Variants in EPB41L3 observed in about 807,000 individuals in gnomAD.
EPB41L3 encodes erythrocyte membrane protein band 4.1 like 3.
A neutral mutation model predicts 127.1 loss-of-function variants in EPB41L3; 57 were observed. That is an observed-to-expected ratio of 0.45 (90% CI 0.36 to 0.56). The LOEUF (loss-of-function observed/expected upper bound fraction) is 0.56, where lower values mean the gene tolerates loss of function less well. Among genes scored for constraint, EPB41L3 ranks in the 20% least tolerant of loss-of-function variants. The probability of loss-of-function intolerance (pLI) is 0.00; values close to 1 mark genes in which losing one functional copy is unlikely to be tolerated. For synonymous variants in EPB41L3, 572 were observed against 549.5 expected (o/e 1.04, Z -0.57); for missense variants, 1,273 against 1,372.2 (o/e 0.93, Z 1.14).
intron 3 of EPB41L3, among the ~76,000 whole-genome samples, chr18:5,588,749 G>A (rs1210327990): frequency 6.6e-6 from 1 of 151,904 alleles, no homozygotes; most frequent in Non-Finnish European, 1.5e-5. Flanking sequence ...AGAACTAAAG[G>A]TTATCTCTCC....
chr18:5,422,280 C>T (rs1395688347), intron 11 of EPB41L3, among the ~76,000 whole-genome samples: 1 of 152,048 alleles, frequency 6.6e-6, no homozygotes, highest in Non-Finnish European at 1.5e-5. Context: ...TTGATTTCTT[C>T]TATAAACTGT....
intron 3 of EPB41L3, among the ~76,000 whole-genome samples, chr18:5,551,806 G>A (rs555932458): frequency 1.1e-4 from 16 of 152,070 alleles, no homozygotes; most frequent in East Asian, 3.8e-4. Context: ...TCTCTGTTTC[G>A]TGTACATTTG....
intron 3 of EPB41L3, among the ~76,000 whole-genome samples, chr18:5,566,164 G>A (rs886205671): frequency 6.6e-6 from 1 of 152,178 alleles, no homozygotes; most frequent in Non-Finnish European, 1.5e-5. Flanking sequence ...AGGAAAAGAG[G>A]AAGTCAAATT....
intron 3 of EPB41L3, among the ~76,000 whole-genome samples, chr18:5,605,876 T>C (rs2069645718): frequency 6.6e-6 from 1 of 152,072 alleles, no homozygotes; most frequent in African/African-American, 2.4e-5. Flanking sequence ...ATTGACTTCT[T>C]GTAGGAGCTG....
At chr18:5,617,956 G>C (rs1183125930) in intron 1 of EPB41L3, among the ~76,000 whole-genome samples, 1 of 152,106 alleles carries the variant, frequency 6.6e-6, no homozygotes, top group Non-Finnish European at 1.5e-5. Flanking sequence ...TCCATCTAGG[G>C]AGGTACCATT....
chr18:5,503,272 C>G (rs1337084890), intron 1 of EPB41L3, among the ~76,000 whole-genome samples: 1 of 152,092 alleles, frequency 6.6e-6, no homozygotes, highest in Non-Finnish European at 1.5e-5. Context: ...ATTCATCCTA[C>G]ATTAACGTAA....
At chr18:5,610,250 A>G (rs2094710673) in intron 3 of EPB41L3, 1 of 985,412 alleles carries the variant, frequency 1.0e-6, no homozygotes, top group Non-Finnish European at 1.2e-6. Context: ...AAAAAGAGAG[A>G]GAAAAAAATA....
rs1047724932 is a variant in EPB41L3 at position 5,437,584 on chromosome 18, A to C, written c.605+451T>G. Among the ~76,000 whole-genome samples, 8 of 152,346 alleles carry C rather than the reference A, an allele frequency of 5.3e-5. 1 individual carries two copies. Among genetic ancestry groups the C allele is most frequent in the Admixed American group, 4.6e-4 (7 of 15,304 alleles). ...TTAATATCTTCTTTCTAGAAAACAAATTAATCATTTTCCTTGTATATACAG... is the reference window on the plus strand; with the variant it reads ...TTAATATCTTCTTTCTAGAAAACAACTTAATCATTTTCCTTGTATATACAG... On this transcript the variant is annotated intron_variant, in intron 6 of 22. Transcript: ENST00000341928.
intron 1 of EPB41L3, among the ~76,000 whole-genome samples, chr18:5,626,061 G>A (rs2094920442): frequency 6.6e-6 from 1 of 151,570 alleles, no homozygotes; most frequent in African/African-American, 2.4e-5. Context: ...CTGTCTCGTC[G>A]CTGCTTTCAA....
At chr18:5,407,133 G>A (rs2075527659) in intron 15 of EPB41L3, 165 bp from the exon 16 acceptor site, 2 of 607,560 alleles carry the variant, frequency 3.3e-6, no homozygotes, top group Non-Finnish European at 2.8e-6. Context: ...GTGAAAATGT[G>A]ATTTTCCCAT....
chr18:5,489,287 G>A, intron 1 of EPB41L3, 93 bp from the exon 2 acceptor site: 1 of 1,414,324 alleles, frequency 7.1e-7, no homozygotes. Context: ...AGGCTCAAGA[G>A]AACCACAGAG....
At chr18:5,606,621 G>A (rs985772624) in intron 3 of EPB41L3, among the ~76,000 whole-genome samples, 3 of 152,100 alleles carry the variant, frequency 2.0e-5, no homozygotes, top group African/African-American at 7.2e-5. Context: ...TCATAAGTAA[G>A]AATGTTCATA....
At chr18:5,561,179 G>C (rs959918742) in intron 3 of EPB41L3, among the ~76,000 whole-genome samples, 3 of 151,682 alleles carry the variant, frequency 2.0e-5, no homozygotes, top group Non-Finnish European at 4.4e-5. Flanking sequence ...GGGTTTCACC[G>C]TATTAGCCAG....
chr18:5,630,383 C>T (rs1428258516), upstream of EPB41L3: 1 of 518,690 alleles, frequency 1.9e-6, no homozygotes, highest in Non-Finnish European at 3.8e-6. Context: ...TCACCTGAGT[C>T]ACCGAAGCCT....
At chr18:5,611,677 C>T (rs889292949) in intron 3 of EPB41L3, among the ~76,000 whole-genome samples, 1 of 152,110 alleles carries the variant, frequency 6.6e-6, no homozygotes, top group East Asian at 1.9e-4. Flanking sequence ...CCTGTAATCC[C>T]AACATTTTAG....
intron 12 of EPB41L3, 32 bp downstream of exon 12, chr18:5,419,679 G>A (rs1331771573): frequency 1.2e-6 from 2 of 1,611,912 alleles, no homozygotes; most frequent in Non-Finnish European, 1.7e-6. Flanking sequence ...AAAAGCTGGA[G>A]CAAGCTCTTG....
upstream of EPB41L3, among the ~76,000 whole-genome samples, chr18:5,547,588 TA>T (rs2093901601): frequency 6.6e-6 from 1 of 152,188 alleles, no homozygotes; most frequent in African/African-American, 2.4e-5. Flanking sequence ...AATTACTCTA[TA>T]TAATTTATAT....
At chr18:5,435,215 A>C (rs2079585818) in intron 6 of EPB41L3, among the ~76,000 whole-genome samples, 1 of 152,188 alleles carries the variant, frequency 6.6e-6, no homozygotes, top group Non-Finnish European at 1.5e-5. Flanking sequence ...AATTACAGTA[A>C]GCTAAGGTTA....
At chr18:5,412,944 G>T (rs1374253335) in intron 13 of EPB41L3, among the ~76,000 whole-genome samples, 2 of 150,716 alleles carry the variant, frequency 1.3e-5, no homozygotes, top group Non-Finnish European at 2.9e-5. Flanking sequence ...TACACAAATA[G>T]CATAGTCCAC....
Sources: gnomAD v4.1 joint callset for allele counts (sites outside exome capture counted in the v4.1 genomes callset) on GRCh38, gnomAD v4.1.1 for gene constraint, MANE v1.5 for transcripts, NCBI Gene and HGNC (gene_info 2026-07-23, HGNC 2026-07-21) for gene names.